Variants in GPATCH2 observed in about 807,000 individuals in gnomAD.
The protein encoded by GPATCH2 is G-patch domain containing 2, also known as G patch domain-containing protein 2.
Under a neutral mutation model 58.0 loss-of-function variants are expected in GPATCH2, and 51 were observed. The observed-to-expected ratio is 0.88, with a 90% confidence interval of 0.70 to 1.11. The LOEUF (loss-of-function observed/expected upper bound fraction) is 1.11, where lower values mean the gene tolerates loss of function less well. GPATCH2 is among the 50% of genes most tolerant of loss of function. The pLI, the probability that GPATCH2 is intolerant of heterozygous loss-of-function variation, is 0.00. For missense variants in GPATCH2, 625 were observed against 652.2 expected (o/e 0.96, Z 0.45); for synonymous variants, 222 against 218.5 (o/e 1.02, Z -0.14).
chr1:217,563,816 G>T (rs1053871782), intron 5 of GPATCH2, among the ~76,000 whole-genome samples: 1 of 152,032 alleles, frequency 6.6e-6, no homozygotes, highest in Non-Finnish European at 1.5e-5. Context: ...TAGCCAAGGC[G>T]GGTGGATCAC....
chr1:217,498,153 G>A, intron 7 of GPATCH2: 1 of 654,738 alleles, frequency 1.5e-6, no homozygotes, highest in Admixed American at 2.3e-5. Flanking sequence ...GACAGTGGCA[G>A]TAAAGGAAAG....
At chr1:217,607,636 T>C (rs2102807796) in intron 5 of GPATCH2, among the ~76,000 whole-genome samples, 1 of 152,318 alleles carries the variant, frequency 6.6e-6, no homozygotes, top group South Asian at 2.1e-4. Flanking sequence ...GAAAATGTTG[T>C]GACCAGAGGC....
At chr1:217,441,806 C>T (rs187607906) in intron 9 of GPATCH2, among the ~76,000 whole-genome samples, 14 of 152,230 alleles carry the variant, frequency 9.2e-5, no homozygotes, top group African/African-American at 2.4e-4. Flanking sequence ...CATCCCATGC[C>T]GGTTAGAATG....
intron 8 of GPATCH2, among the ~76,000 whole-genome samples, chr1:217,474,639 G>A (rs763188366): frequency 1.7e-4 from 26 of 152,312 alleles, no homozygotes; most frequent in Admixed American, 9.8e-4. Context: ...GAGCTTTTGT[G>A]AGGAATGCCT....
intron 5 of GPATCH2, among the ~76,000 whole-genome samples, chr1:217,604,367 T>G (rs898811449): frequency 6.6e-6 from 1 of 150,894 alleles, no homozygotes; most frequent in East Asian, 2.0e-4. Context: ...AAAGTATCAG[T>G]GTCTAATGTG....
In GPATCH2 at chr1:217,461,887, C is replaced by T. The variant is rs143902543; in HGVS notation, c.1278-12550G>A. On this transcript the variant is annotated intron_variant, in intron 8 of 9. Coordinates refer to ENST00000366935, the MANE Select transcript of GPATCH2 (RefSeq NM_018040.5). Reference sequence around the variant, plus strand: ...TTTTTGGTAGATATATGTTATATCCCTAAAACTTTTACAGACTTGTTAGCA... The same window carrying T: ...TTTTTGGTAGATATATGTTATATCCTTAAAACTTTTACAGACTTGTTAGCA... 9.6e-3 allele frequency among the ~76,000 whole-genome samples: 1,464 copies of T among 152,188 alleles called. 11 individuals are homozygous for T. The highest frequency in any genetic ancestry group is 0.048 in the Middle Eastern group (14 of 294).
chr1:217,483,299 C>T (rs1438162537), intron 8 of GPATCH2, among the ~76,000 whole-genome samples: 1 of 152,086 alleles, frequency 6.6e-6, no homozygotes, highest in Non-Finnish European at 1.5e-5. Flanking sequence ...ATCCTCCTAC[C>T]TTGGCCTCCT....
intron 9 of GPATCH2, among the ~76,000 whole-genome samples, chr1:217,433,914 C>A (rs1271245871): frequency 6.6e-6 from 1 of 152,116 alleles, no homozygotes; most frequent in African/African-American, 2.4e-5. Context: ...AATACCTACA[C>A]CCCTGTTATT....
intron 5 of GPATCH2, among the ~76,000 whole-genome samples, chr1:217,586,543 T>C (rs1036299972): frequency 1.3e-5 from 2 of 152,208 alleles, no homozygotes; most frequent in African/African-American, 4.8e-5. Flanking sequence ...GATAACAACG[T>C]CTTCTGGAAT....
intron 8 of GPATCH2, among the ~76,000 whole-genome samples, chr1:217,491,283 A>G (rs1313174112): frequency 6.6e-6 from 1 of 152,174 alleles, no homozygotes; most frequent in Non-Finnish European, 1.5e-5. Flanking sequence ...AAAAGAGACT[A>G]CTTTCTTCCC....
intron 8 of GPATCH2, among the ~76,000 whole-genome samples, chr1:217,452,025 G>A (rs1208744085): frequency 6.6e-6 from 1 of 152,180 alleles, no homozygotes; most frequent in Non-Finnish European, 1.5e-5. Flanking sequence ...TAACACGAAT[G>A]GAAAAGAGCA....
chr1:217,471,270 A>G (rs1035713720), intron 8 of GPATCH2, among the ~76,000 whole-genome samples: 2 of 152,298 alleles, frequency 1.3e-5, no homozygotes, highest in South Asian at 4.1e-4. Flanking sequence ...TTGTTAATAC[A>G]TTTCTAGGAA....
At chr1:217,592,276 T>C (rs1214414374) in intron 5 of GPATCH2, among the ~76,000 whole-genome samples, 1 of 152,024 alleles carries the variant, frequency 6.6e-6, no homozygotes, top group East Asian at 1.9e-4. Flanking sequence ...TTAATGTCAC[T>C]TTCTACTTTA....
rs2102518410 is a variant in GPATCH2, at chr1:217,431,283, C to T, written c.1449G>A (p.Gly483=). The change falls in exon 10 of 10, where the codon GGG becomes GGA. Residue 483 remains glycine, a synonymous_variant. Coordinates refer to ENST00000366935, the MANE Select transcript of GPATCH2 (RefSeq NM_018040.5). ...CCTTGCCATCTCGTCCAAGGCCTGACCCAGGCGTCCAGCCCATATTCTGAA... is the reference window on the plus strand; with the variant it reads ...CCTTGCCATCTCGTCCAAGGCCTGATCCAGGCGTCCAGCCCATATTCTGAA... ...RMLQNMGWTP[G]SGLGRDGKGI... 1.9e-6 allele frequency: 3 copies of T among 1,606,694 alleles called. No individual in the cohort carries two copies. The highest frequency in any genetic ancestry group is 2.2e-5 in the East Asian group (1 of 44,842).
chr1:217,584,330 T>TAAAAAA (rs1168175978), intron 5 of GPATCH2, among the ~76,000 whole-genome samples: 12 of 89,756 alleles, frequency 1.3e-4, no homozygotes, highest in African/African-American at 3.3e-4. Flanking sequence ...TCACCTCTAC[T>TAAAAAA]AAAAAAAAAA....
chr1:217,555,678 G>A lies in GPATCH2; in HGVS notation c.1099-40789C>T, dbSNP rs200445930. On this transcript the variant is annotated intron_variant, in intron 5 of 9. Transcript: ENST00000366935. Reference sequence around the variant, plus strand: ...CAAGTATTCCAGGTTATCACTTGGTGGAAAGCTGCAGAGAATTAGACACTG... The same window carrying A: ...CAAGTATTCCAGGTTATCACTTGGTAGAAAGCTGCAGAGAATTAGACACTG... Among the ~76,000 whole-genome samples the A allele has an allele frequency of 3.9e-5, 6 of 152,252 alleles. No homozygotes were observed. In the East Asian group the frequency reaches 9.6e-4, roughly 24 times the overall value.
At chr1:217,563,088 A>G (rs970953329) in intron 5 of GPATCH2, among the ~76,000 whole-genome samples, 1 of 152,150 alleles carries the variant, frequency 6.6e-6, no homozygotes, top group Non-Finnish European at 1.5e-5. Flanking sequence ...TTTATTCTCA[A>G]ATTTAGACTA....
At chr1:217,443,376 G>A (rs1052561817) in intron 9 of GPATCH2, among the ~76,000 whole-genome samples, 1 of 152,016 alleles carries the variant, frequency 6.6e-6, no homozygotes, top group African/African-American at 2.4e-5. Flanking sequence ...ATTCTCAATT[G>A]TACTGCTATT....
chr1:217,432,004 A>G (rs987793354), intron 9 of GPATCH2, among the ~76,000 whole-genome samples: 8 of 152,040 alleles, frequency 5.3e-5, no homozygotes, highest in Admixed American at 2.6e-4. Context: ...AAATGATTAT[A>G]TAAGTTAGTA....
Sources: allele counts gnomAD v4.1 joint callset (sites outside exome capture counted in the v4.1 genomes callset), GRCh38; gene constraint gnomAD v4.1.1; transcripts MANE v1.5; gene names NCBI Gene and HGNC (gene_info 2026-07-23, HGNC 2026-07-21).